LRRC4C: variants seen among roughly 807,000 people sequenced by gnomAD.
LRRC4C encodes leucine rich repeat containing 4C, also known as leucine-rich repeat-containing protein 4C.
A neutral mutation model predicts 33.6 loss-of-function variants in LRRC4C; 5 were observed. That is an observed-to-expected ratio of 0.15 (90% CI 0.08 to 0.31). The LOEUF (loss-of-function observed/expected upper bound fraction) is 0.31. Ranked by LOEUF, LRRC4C falls within the 10% of genes least tolerant of loss-of-function variation. The probability of loss-of-function intolerance (pLI) is 1.00; values close to 1 mark genes in which losing one functional copy is unlikely to be tolerated. For synonymous variants in LRRC4C, 329 were observed against 302.0 expected (o/e 1.09, Z -0.93); for missense variants, 560 against 796.7 (o/e 0.70, Z 3.58).
At chr11:40,329,731 CTT>C in intron 3 of LRRC4C, among the ~76,000 whole-genome samples, 1 of 17,138 alleles carries the variant, frequency 5.8e-5, no homozygotes, top group Non-Finnish European at 4.1e-4. Context: ...TTCTTACTTT[CTT>C]TTTCTTTTTT....
At chr11:41,323,780 G>A (rs949203190) in intron 1 of LRRC4C, among the ~76,000 whole-genome samples, 17 of 152,104 alleles carry the variant, frequency 1.1e-4, no homozygotes, top group African/African-American at 4.8e-5. Flanking sequence ...AAAGAAGTCT[G>A]GCTCTCTGAT....
At chr11:40,788,661 A>T (rs1045757285) in intron 2 of LRRC4C, among the ~76,000 whole-genome samples, 19 of 152,170 alleles carry the variant, frequency 1.2e-4, no homozygotes, top group African/African-American at 4.6e-4. Context: ...TTTCAGTGGT[A>T]GCTGCTCTAA....
At chr11:40,830,336 C>G (rs749873965) in intron 2 of LRRC4C, among the ~76,000 whole-genome samples, 20 of 152,094 alleles carry the variant, frequency 1.3e-4, no homozygotes, top group Non-Finnish European at 2.6e-4. Flanking sequence ...ATTCCCCATA[C>G]TTGCTTTAAA....
chr11:40,669,111 T>C (rs1943956920), intron 2 of LRRC4C, among the ~76,000 whole-genome samples: 1 of 152,178 alleles, frequency 6.6e-6, no homozygotes, highest in Non-Finnish European at 1.5e-5. Context: ...AGATTTCCTT[T>C]AAACCAACTT....
intron 1 of LRRC4C, among the ~76,000 whole-genome samples, chr11:41,153,577 C>T (rs774278356): frequency 2.6e-5 from 4 of 152,120 alleles, no homozygotes; most frequent in Admixed American, 2.6e-4. Context: ...TTGTTCTGGA[C>T]TAGGAAGAAC....
At chr11:41,316,277 A>AAC (rs1257867883) in intron 1 of LRRC4C, among the ~76,000 whole-genome samples, 25 of 150,146 alleles carry the variant, frequency 1.7e-4, no homozygotes, top group Admixed American at 1.2e-3. Flanking sequence ...AAAAAAAAAA[A>AAC]AACAAAAAAA....
intron 3 of LRRC4C, among the ~76,000 whole-genome samples, chr11:40,574,835 C>A (rs888315726): frequency 6.6e-6 from 1 of 152,168 alleles, no homozygotes; most frequent in Non-Finnish European, 1.5e-5. Flanking sequence ...CAGGACCTTA[C>A]AAAGAGCTGC....
At chr11:40,824,882 C>T (rs1043917015) in intron 2 of LRRC4C, among the ~76,000 whole-genome samples, 1 of 151,908 alleles carries the variant, frequency 6.6e-6, no homozygotes, top group Admixed American at 6.6e-5. Context: ...TTACAATATA[C>T]GTACTAATAT....
At chr11:40,336,860 C>G (rs1028919605) in intron 3 of LRRC4C, among the ~76,000 whole-genome samples, 73 of 150,916 alleles carry the variant, frequency 4.8e-4, no homozygotes, top group Non-Finnish European at 7.1e-4. Flanking sequence ...GCCTGTAGTC[C>G]CAGCTACTCG....
chr11:40,719,861 C>T (rs2136669548), intron 2 of LRRC4C, among the ~76,000 whole-genome samples: 1 of 152,116 alleles, frequency 6.6e-6, no homozygotes, highest in South Asian at 2.1e-4. Flanking sequence ...TTCAAAGTGG[C>T]TAGTGAAATT....
chr11:40,547,917 T>A (rs191808543), intron 3 of LRRC4C, among the ~76,000 whole-genome samples: 319 of 152,258 alleles, frequency 2.1e-3, no homozygotes, highest in African/African-American at 7.1e-3. Context: ...CAGACACTGT[T>A]CTAGTGATTG....
intron 2 of LRRC4C, among the ~76,000 whole-genome samples, chr11:40,740,017 A>C (rs1325220810): frequency 6.6e-6 from 1 of 151,844 alleles, no homozygotes; most frequent in Non-Finnish European, 1.5e-5. Context: ...ATATGGCATA[A>C]TCTTATATGT....
At chr11:40,910,582 G>A (rs967469153) in intron 2 of LRRC4C, among the ~76,000 whole-genome samples, 3 of 152,200 alleles carry the variant, frequency 2.0e-5, no homozygotes, top group Admixed American at 6.5e-5. Context: ...AGCCAAGACG[G>A]CTGAATAGGA....
chr11:41,185,579 C>T (rs931480262), intron 1 of LRRC4C, among the ~76,000 whole-genome samples: 4 of 152,044 alleles, frequency 2.6e-5, no homozygotes, highest in Admixed American at 2.6e-4. Context: ...AGGGATTTTC[C>T]TGGAGGACAG....
chr11:40,677,334 C>G (rs1278666154), intron 2 of LRRC4C, among the ~76,000 whole-genome samples: 1 of 152,058 alleles, frequency 6.6e-6, no homozygotes, highest in Non-Finnish European at 1.5e-5. Context: ...TGCAGTGACC[C>G]AAAATCGCAC....
chr11:41,165,200 T>C (rs1807428490), intron 1 of LRRC4C, among the ~76,000 whole-genome samples: 1 of 152,072 alleles, frequency 6.6e-6, no homozygotes, highest in African/African-American at 2.4e-5. Context: ...TCTCAAACTG[T>C]CTTTTTCTCA....
At chr11:40,744,503 C>T (rs1007684553) in intron 2 of LRRC4C, among the ~76,000 whole-genome samples, 10 of 152,144 alleles carry the variant, frequency 6.6e-5, no homozygotes, top group African/African-American at 2.2e-4. Flanking sequence ...CAAATTTACA[C>T]AGTAATGTGA....
chr11:41,174,040 A>G (rs1431454268), intron 1 of LRRC4C, among the ~76,000 whole-genome samples: 2 of 152,104 alleles, frequency 1.3e-5, no homozygotes, highest in Non-Finnish European at 1.5e-5. Context: ...ATACCTAATC[A>G]TATCAATATA....
intron 6 of LRRC4C, among the ~76,000 whole-genome samples, chr11:40,136,519 G>A (rs539900261): frequency 1.3e-4 from 19 of 149,150 alleles, no homozygotes; most frequent in African/African-American, 4.0e-4. Flanking sequence ...CTCGTGACCC[G>A]CCCACCTCGG....
Sources: gnomAD v4.1 joint callset for allele counts (sites outside exome capture counted in the v4.1 genomes callset) on GRCh38, gnomAD v4.1.1 for gene constraint, MANE v1.5 for transcripts, NCBI Gene and HGNC (gene_info 2026-07-23, HGNC 2026-07-21) for gene names.